The following WASF3 variants were observed in gnomAD, a reference collection of about 807,000 sequenced individuals.
The protein encoded by WASF3 is WASP family member 3, also known as actin-binding protein WASF3.
A neutral mutation model predicts 46.6 loss-of-function variants in WASF3; 11 were observed. The observed-to-expected ratio is 0.24, with a 90% confidence interval of 0.15 to 0.39. The LOEUF is 0.39. Ranked by LOEUF, WASF3 falls within the 10% of genes least tolerant of loss-of-function variation. The pLI is 1.00. For missense variants in WASF3, 576 were observed against 669.8 expected, an observed-to-expected ratio of 0.86 and a Z score of 1.55; for synonymous variants, 242 against 259.7, an observed-to-expected ratio of 0.93 and a Z score of 0.65.
intron 2 of WASF3, among the ~76,000 whole-genome samples, chr13:26,621,339 A>C (rs793636): frequency 0.014 from 2,072 of 152,320 alleles, 52 homozygotes; most frequent in African/African-American, 0.046. Flanking sequence ...TTTGGAGAGT[A>C]GGTGAATCTG....
chr13:26,678,438 T>G (rs1437127579), intron 7 of WASF3, among the ~76,000 whole-genome samples: 3 of 152,196 alleles, frequency 2.0e-5, no homozygotes, highest in African/African-American at 7.2e-5. Context: ...CATGTGTTTC[T>G]TTTTTCTTTT....
intron 3 of WASF3, among the ~76,000 whole-genome samples, chr13:26,655,562 T>A (rs1374218417): frequency 2.0e-5 from 3 of 152,186 alleles, no homozygotes; most frequent in African/African-American, 4.8e-5. Flanking sequence ...CATCCTTCTA[T>A]GAACCCACTA....
Position 26,682,702 on chromosome 13 carries a change from T to C in WASF3, c.1079T>C (p.Val360Ala), listed in dbSNP as rs1883270719. ...ATTCCCTCAGCACAAACTGCCTTCG[T>C]CAGCCCTCTCCAGATGCCCATGCAG... ...PVIPSAQTAF[V>A]SPLQMPMQPP... The change falls in exon 9 of 10, where the codon GTC becomes GCC. Residue 360 changes from valine to alanine, a missense_variant. Physicochemically the swap from Val to Ala is moderately conservative, Grantham distance 64. This residue lies in a region of WASF3 where 295 missense variants were observed against 291.5 expected (regional missense o/e 1.01). Coordinates refer to ENST00000335327, the MANE Select transcript of WASF3 (RefSeq NM_006646.6). The surrounding 1 kb of genome is among the most constrained non-coding windows in gnomAD (Gnocchi z 4.4). 1.9e-6 allele frequency: 3 copies of C among 1,614,066 alleles called. No individual in the cohort carries two copies. Among genetic ancestry groups the C allele is most frequent in the East Asian group, 4.5e-5 (2 of 44,868 alleles).
intron 1 of WASF3, among the ~76,000 whole-genome samples, chr13:26,566,031 C>G (rs1426634835): frequency 6.6e-6 from 1 of 152,136 alleles, no homozygotes; most frequent in Non-Finnish European, 1.5e-5. Context: ...TTACATTAAG[C>G]TATAATTATG....
intron 2 of WASF3, 199 bp from the exon 3 acceptor site, chr13:26,642,059 GATT>G (rs1256787951): frequency 2.7e-6 from 1 of 371,944 alleles, no homozygotes; most frequent in Non-Finnish European, 4.7e-6. Context: ...TATGAAGTGA[GATT>G]ATACTATACA....
intron 1 of WASF3, among the ~76,000 whole-genome samples, chr13:26,570,193 C>T (rs1879592556): frequency 6.6e-6 from 1 of 152,108 alleles, no homozygotes; most frequent in African/African-American, 2.4e-5. Flanking sequence ...GAGGCTGAGG[C>T]AGGAGAATCG....
intron 1 of WASF3, among the ~76,000 whole-genome samples, chr13:26,585,869 G>T (rs530170956): frequency 6.6e-6 from 1 of 152,178 alleles, no homozygotes. Context: ...TCTAATGTGA[G>T]TGGAGGTAAT....
chr13:26,666,756 G>C (rs373308894), intron 4 of WASF3, among the ~76,000 whole-genome samples: 4 of 151,544 alleles, frequency 2.6e-5, no homozygotes, highest in Admixed American at 6.6e-5. Context: ...AAAATTAGCC[G>C]GTCGTGGTGG....
chr13:26,632,419 A>G (rs1035435983), intron 2 of WASF3, among the ~76,000 whole-genome samples: 15 of 152,200 alleles, frequency 9.9e-5, no homozygotes, highest in Non-Finnish European at 1.5e-4. Context: ...TCCTGCATCT[A>G]TTGAGGTAAT....
At chr13:26,574,897 T>C (rs576646026) in intron 1 of WASF3, among the ~76,000 whole-genome samples, 114 of 151,260 alleles carry the variant, frequency 7.5e-4, no homozygotes, top group Non-Finnish European at 1.4e-3. Context: ...AGTGCAGTGG[T>C]GCGATCTCGG....
chr13:26,539,668 C>T, the WASF3 span, among the ~76,000 whole-genome samples: 2 of 152,176 alleles, frequency 1.3e-5, no homozygotes, highest in Non-Finnish European at 2.9e-5. Context: ...ACACATCTGT[C>T]CTTTACGCTG....
At chr13:26,610,541 G>A (rs115671143) in intron 1 of WASF3, among the ~76,000 whole-genome samples, 145 of 152,256 alleles carry the variant, frequency 9.5e-4, no homozygotes, top group African/African-American at 3.4e-3. Context: ...ATGGATGGAG[G>A]CCATAGCAGG....
Position 26,597,551 on chromosome 13 carries a change from A to C in WASF3, c.-108-15410A>C, listed in dbSNP as rs569084064. Among the ~76,000 whole-genome samples the C allele has an allele frequency of 9.9e-5, 15 of 152,018 alleles. No homozygotes were observed. The South Asian group carries it at 2.9e-3, about 29-fold the overall frequency. ...CAACGTGCAGGTTTGTTACATATGT[A>C]TATATGTGCCATGTTGGTGTGCTGC... On this transcript the variant is annotated intron_variant, in intron 1 of 9. Coordinates refer to ENST00000335327, the MANE Select transcript of WASF3 (RefSeq NM_006646.6).
intron 3 of WASF3, among the ~76,000 whole-genome samples, chr13:26,656,214 AT>A (rs1182945289): frequency 1.3e-5 from 2 of 152,228 alleles, no homozygotes; most frequent in Non-Finnish European, 2.9e-5. Flanking sequence ...AAGTCAAAAC[AT>A]TAGTGATTTT....
chr13:26,633,310 C>G (rs1433402612), intron 2 of WASF3, among the ~76,000 whole-genome samples: 1 of 147,042 alleles, frequency 6.8e-6, no homozygotes, highest in Non-Finnish European at 1.5e-5. Flanking sequence ...TCAAGCAATT[C>G]TCCTGCCTCA....
chr13:26,591,326 C>G (rs1880287003), intron 1 of WASF3, among the ~76,000 whole-genome samples: 1 of 152,090 alleles, frequency 6.6e-6, no homozygotes, highest in African/African-American at 2.4e-5. Context: ...CAGAAATGCT[C>G]TAGCTTCTCA....
At chr13:26,587,891 T>G (rs903647119) in intron 1 of WASF3, among the ~76,000 whole-genome samples, 1 of 152,200 alleles carries the variant, frequency 6.6e-6, no homozygotes, top group African/African-American at 2.4e-5. Context: ...AAAAGTTTTT[T>G]TTGTCTCTTT....
At chr13:26,570,138 A>G (rs1460658340) in intron 1 of WASF3, among the ~76,000 whole-genome samples, 1 of 152,090 alleles carries the variant, frequency 6.6e-6, no homozygotes, top group African/African-American at 2.4e-5. Flanking sequence ...TTACAAAAAA[A>G]TTAGCCGGGT....
At chr13:26,548,107 C>T in the WASF3 span, among the ~76,000 whole-genome samples, 1 of 152,186 alleles carries the variant, frequency 6.6e-6, no homozygotes, top group Non-Finnish European at 1.5e-5. Flanking sequence ...TTCGGATTCT[C>T]ATAGGCAAAC....
Sources: gnomAD v4.1 joint callset for allele counts (sites outside exome capture counted in the v4.1 genomes callset) on GRCh38, gnomAD v4.1.1 for gene constraint, gnomAD v4.1.1 regional missense constraint, Gnocchi (gnomAD v3.1) non-coding constraint, MANE v1.5 for transcripts, NCBI Gene and HGNC (gene_info 2026-07-23, HGNC 2026-07-21) for gene names.